The following HMCN2 variants were observed in gnomAD, a reference collection of about 807,000 sequenced individuals.
HMCN2 encodes hemicentin 2, also known as hemicentin-2.
A neutral mutation model predicts 377.5 loss-of-function variants in HMCN2; 325 were observed. That is an observed-to-expected ratio of 0.86 (90% CI 0.79 to 0.94). The LOEUF (loss-of-function observed/expected upper bound fraction) is 0.94, where lower values mean the gene tolerates loss of function less well. HMCN2 is among the 40% of genes least tolerant of loss of function. HMCN2 has a pLI of 0.00. For synonymous variants in HMCN2, 2,007 were observed against 2,046.8 expected (o/e 0.98, Z 0.53); for missense variants, 4,543 against 4,725.3 (o/e 0.96, Z 1.13).
chr9:130,382,289 T>C lies in HMCN2; in HGVS notation c.8537T>C (p.Leu2846Pro). 1.0e-6 allele frequency: 1 copy of C among 985,512 alleles called. No individual in the cohort carries two copies. Among genetic ancestry groups the C allele is most frequent in the Non-Finnish European group, 1.2e-6 (1 of 829,650 alleles). The allele number at this position is 985,512 out of a possible 1,614,324, so 61.0% of individuals were successfully genotyped here. Residue 2846 changes from leucine (L) to proline (P), a missense_variant, in exon 55 of 98, where the codon CTG becomes CCG. Coordinates refer to ENST00000683500, the MANE Select transcript of HMCN2 (RefSeq NM_001291815.2). ...VGEDWLHYEL[L>P]VLTPPVILGD... ...GAGGACTGGCTGCACTACGAGCTGC[T>C]GGTGCTGAGTGAGTGGCGGGGCCTG... is the stretch of plus-strand genomic sequence containing the variant.
At chr9:130,357,177 A>G (rs1344618498) in intron 34 of HMCN2, among the ~76,000 whole-genome samples, 3 of 117,326 alleles carry the variant, frequency 2.6e-5, no homozygotes, top group African/African-American at 1.1e-4. Flanking sequence ...TAGATGGGTA[A>G]ATGGATGGAT....
chr9:130,410,724 G>C, intron 85 of HMCN2, 72 bp downstream of exon 85: 2 of 1,268,346 alleles, frequency 1.6e-6, no homozygotes, highest in South Asian at 1.3e-5. Context: ...GTGCAGCCTA[G>C]AGGGCAGACG....
chr9:130,399,933 C>T (rs1842784498), intron 76 of HMCN2, among the ~76,000 whole-genome samples: 1 of 152,230 alleles, frequency 6.6e-6, no homozygotes, highest in Non-Finnish European at 1.5e-5. Flanking sequence ...TGCCCGCTGC[C>T]CCCAGGATAG....
rs1177875902 is a variant in HMCN2 at position 130,317,467 on chromosome 9, A to ATCTCTCTC, written c.2351-1996_2351-1989dup. ...GCCTAGATGATAGCGAGACCCCACCATCTCTCTCTCTCTCTCTCTCTCTCT... is the reference window on the plus strand; with the variant it reads ...GCCTAGATGATAGCGAGACCCCACCATCTCTCTCTCTCTCTCTCTCTCTCTCTCTCTCT... On this transcript the variant is annotated intron_variant, in intron 15 of 97. Coordinates refer to ENST00000683500, the MANE Select transcript of HMCN2 (RefSeq NM_001291815.2). Among the ~76,000 whole-genome samples, 247 of 123,444 alleles carry ATCTCTCTC rather than the reference A, an allele frequency of 2.0e-3. 1 individual carries two copies. The highest frequency in any genetic ancestry group is 5.4e-3 in the African/African-American group (177 of 32,778). The allele number at this position is 123,444 out of a possible 152,430, so 81.0% of individuals were successfully genotyped here. A position where few individuals can be genotyped will look rare whatever the true frequency, so the allele number is the denominator to read the frequency against.
At chr9:130,385,325 T>A (rs1175161014) in intron 59 of HMCN2, among the ~76,000 whole-genome samples, 1 of 151,812 alleles carries the variant, frequency 6.6e-6, no homozygotes, top group Admixed American at 6.6e-5. Context: ...CGACAGCATC[T>A]CCCCCATCTA....
chr9:130,407,169 GA>G (rs2131737128), intron 82 of HMCN2: 1 of 162,644 alleles, frequency 6.1e-6, no homozygotes, highest in East Asian at 1.9e-4. Flanking sequence ...AGAATCGGTT[GA>G]ACCTGGGAGG....
In HMCN2 at chr9:130,381,410, G is replaced by C. The variant is rs575517371; in HGVS notation, c.8432-774G>C. 3.9e-5 allele frequency among the ~76,000 whole-genome samples: 6 copies of C among 151,952 alleles called. No homozygotes were observed. The South Asian group carries it at 1.3e-3, about 32-fold the overall frequency. On this transcript the variant is annotated intron_variant, in intron 54 of 97. Transcript: ENST00000683500. ...TTCTGAGATAGAGTCTCACTCTGTT[G>C]CCCAGGCTACAGTGCAGTGGCAGTC...
intron 36 of HMCN2, among the ~76,000 whole-genome samples, chr9:130,358,951 G>A (rs1253111737): frequency 1.3e-5 from 2 of 152,258 alleles, no homozygotes; most frequent in Non-Finnish European, 2.9e-5. Flanking sequence ...TGGGATCACA[G>A]GCGTGAGCCA....
intron 53 of HMCN2, among the ~76,000 whole-genome samples, chr9:130,378,253 G>A (rs1390740129): frequency 6.7e-6 from 1 of 149,912 alleles, no homozygotes; most frequent in African/African-American, 2.5e-5. Flanking sequence ...AAAAAGTGAA[G>A]GAAGGAAAGG....
Position 130,365,970 on chromosome 9 carries a change from C to A in HMCN2, c.6600C>A (p.Phe2200Leu). 1 of 985,926 alleles carries A rather than the reference C, an allele frequency of 1.0e-6. No individual in the cohort carries two copies. The highest frequency in any genetic ancestry group is 1.2e-6 in the Non-Finnish European group (1 of 829,986). 61.1% of individuals were successfully genotyped at this position (985,926 alleles called of 1,614,324 possible). A position where few individuals can be genotyped will look rare whatever the true frequency, so the allele number is the denominator to read the frequency against. The change falls in exon 43 of 98, where the codon TTC becomes TTA. Residue 2200 changes from phenylalanine (F) to leucine (L), a missense_variant. By Grantham distance (22) the Phe-to-Leu change is conservative. Coordinates refer to ENST00000683500, the MANE Select transcript of HMCN2 (RefSeq NM_001291815.2). ...CCTGCGAATGCCGGGGTGTCCCCTT[C>A]CCCAAGATCTCCTGGAGGAAGGACG... ...RLSCECRGVP[F>L]PKISWRKDGQ...
At position 130,356,198 on chromosome 9, in the gene HMCN2, C is replaced by T. The variant is rs1450112098; in HGVS notation, c.5366C>T (p.Ala1789Val). The T allele has an allele frequency of 1.1e-5, 14 of 1,303,278 alleles. No individual in the cohort carries two copies. Among genetic ancestry groups the T allele is most frequent in the South Asian group, 1.2e-5 (1 of 81,018 alleles). 80.7% of individuals were successfully genotyped at this position (1,303,278 alleles called of 1,614,324 possible). Reference sequence around the variant, plus strand: ...GAGCTGGACCACTCAGGCCTCTTCGCCTGCCAGGCCACCAATGAGGCGGGC... The same window carrying T: ...GAGCTGGACCACTCAGGCCTCTTCGTCTGCCAGGCCACCAATGAGGCGGGC... ...HVELDHSGLF[A>V]CQATNEAGTA... The change falls in exon 34 of 98, where the codon GCC (alanine) becomes GTC (valine). Residue 1789 changes from alanine to valine, a missense_variant. Physicochemically the swap from Ala to Val is moderately conservative, Grantham distance 64 (BLOSUM62 0). Transcript: ENST00000683500.
At chr9:130,427,257 C>A in intron 90 of HMCN2, 56 bp from the exon 91 acceptor site, 2 of 1,523,294 alleles carry the variant, frequency 1.3e-6, no homozygotes, top group African/African-American at 1.4e-5. Flanking sequence ...ATGGCCAGGG[C>A]AGCCTTGGGA....
chr9:130,399,494 CTG>C lies in HMCN2; in HGVS notation c.11484-15_11484-14del, dbSNP rs1211448676. Reference sequence around the variant, plus strand: ...GTCAGCCCAGCAGCCACTTGGCCGTCTGTCTGTCCACCCCAGGCTCCTGCCCT... The same window carrying C: ...GTCAGCCCAGCAGCCACTTGGCCGTCTCTGTCCACCCCAGGCTCCTGCCCT... On this transcript the variant is annotated splice_polypyrimidine_tract_variant and intron_variant, in intron 75 of 97. Transcript: ENST00000683500. 3 of 1,266,952 alleles carry C rather than the reference CTG, an allele frequency of 2.4e-6. No individual in the cohort carries two copies. In the African/African-American group the frequency reaches 4.6e-5, roughly 19 times the overall value. 78.5% of individuals were successfully genotyped at this position (1,266,952 alleles called of 1,614,324 possible).
intron 41 of HMCN2, 52 bp downstream of exon 41, chr9:130,364,941 G>T: frequency 1.0e-6 from 1 of 969,490 alleles, no homozygotes; most frequent in Non-Finnish European, 1.2e-6. Context: ...CCCAAGGGCA[G>T]GGTGGGGCCT....
chr9:130,356,843 T>G (rs1404254572), intron 34 of HMCN2, among the ~76,000 whole-genome samples: 1 of 152,158 alleles, frequency 6.6e-6, no homozygotes, highest in Non-Finnish European at 1.5e-5. Context: ...CCAGTATAGT[T>G]CTGGCCACAG....
In HMCN2 at chr9:130,393,280, C is replaced by A. The variant is rs964913377; in HGVS notation, c.10205C>A (p.Ala3402Glu). Residue 3402 changes from alanine to glutamate, a missense_variant, in exon 67 of 98, where the codon GCG (alanine) becomes GAG (glutamate). Coordinates refer to ENST00000683500, the MANE Select transcript of HMCN2 (RefSeq NM_001291815.2). This position sits in a 1 kb window ranked among gnomAD's most constrained non-coding sequence, Gnocchi z 5.2. ...GTGGCCGCAAGCCCAGCTGGCGTGGCGGACAGGAACTTCACCTTGCAGGTG... is the reference window on the plus strand; with the variant it reads ...GTGGCCGCAAGCCCAGCTGGCGTGGAGGACAGGAACTTCACCTTGCAGGTG... ...TCVAASPAGVADRNFTLQVQV... is the reference protein window; with the variant it reads ...TCVAASPAGVEDRNFTLQVQV... The A allele has an allele frequency of 3.0e-6, 3 of 988,340 alleles. No homozygotes were observed. Among genetic ancestry groups the A allele is most frequent in the Non-Finnish European group, 3.6e-6 (3 of 830,414 alleles). The allele number at this position is 988,340 out of a possible 1,614,324, so 61.2% of individuals were successfully genotyped here. A position where few individuals can be genotyped will look rare whatever the true frequency, so the allele number is the denominator to read the frequency against.
rs953553842 is a variant in HMCN2 at position 130,265,904 on chromosome 9, G to T, written c.26G>T (p.Arg9Leu). The T allele has an allele frequency of 5.3e-6, 2 of 375,078 alleles. No homozygotes were observed. The highest frequency in any genetic ancestry group is 1.9e-5 in the South Asian group (1 of 51,440). 23.2% of individuals were successfully genotyped at this position (375,078 alleles called of 1,614,324 possible). ...ATGATGCCCGGGGCGCCGCTCCTGC[G>T]GCTGCTGACCGCGGTCTCTGCGGCA... MMPGAPLL[R>L]LLTAVSAAVA... The change falls in exon 1 of 98, where the codon CGG (arginine) becomes CTG (leucine). Residue 9 changes from arginine (R) to leucine (L), a missense_variant. By Grantham distance (102) the Arg-to-Leu change is moderately radical. This residue lies in a region of HMCN2 where 547 missense variants were observed against 189.9 expected (regional missense o/e 2.88). Transcript: ENST00000683500.
rs923213179 is a variant in HMCN2, at chr9:130,328,656, G to T, written c.3359+1181G>T. 2.0e-5 allele frequency among the ~76,000 whole-genome samples: 3 copies of T among 152,228 alleles called. No individual in the cohort carries two copies. In the South Asian group the frequency reaches 6.2e-4, roughly 32 times the overall value. On this transcript the variant is annotated intron_variant, in intron 22 of 97. Coordinates refer to ENST00000683500, the MANE Select transcript of HMCN2 (RefSeq NM_001291815.2). Reference sequence around the variant, plus strand: ...AAGGAGGGAAAATGTGCTGGGAGGCGGGGGTGGGGTTAAGTGCTCAGGCCC... The same window carrying T: ...AAGGAGGGAAAATGTGCTGGGAGGCTGGGGTGGGGTTAAGTGCTCAGGCCC...
chr9:130,403,950 T>C (rs2131726086), intron 80 of HMCN2, 75 bp downstream of exon 80: 2 of 1,216,446 alleles, frequency 1.6e-6, no homozygotes, highest in Non-Finnish European at 2.1e-6. Context: ...TTCTCCCTTC[T>C]CTGCCTGGCA....
Sources: gnomAD v4.1 joint callset for allele counts (sites outside exome capture counted in the v4.1 genomes callset) on GRCh38, gnomAD v4.1.1 for gene constraint, gnomAD v4.1.1 regional missense constraint, Gnocchi (gnomAD v3.1) non-coding constraint, MANE v1.5 for transcripts, NCBI Gene and HGNC (gene_info 2026-07-23, HGNC 2026-07-21) for gene names.